Variants in GAREM1 observed in about 807,000 individuals in gnomAD.
The protein encoded by GAREM1 is GRB2 associated regulator of MAPK1 subtype 1.
A neutral mutation model predicts 71.3 loss-of-function variants in GAREM1; 26 were observed. The observed-to-expected ratio is 0.36, with a 90% CI of 0.27 to 0.51. The LOEUF is 0.51. GAREM1 is among the 20% of genes least tolerant of loss of function. GAREM1 has a pLI of 0.95. For missense variants in GAREM1, 1,026 were observed against 1,103.1 expected, an observed-to-expected ratio of 0.93 and a Z score of 0.99; for synonymous variants, 440 against 433.2, an observed-to-expected ratio of 1.02 and a Z score of -0.20.
chr18:32,288,400 T>C (rs2047048829), intron 3 of GAREM1, among the ~76,000 whole-genome samples, 197 bp from the exon 4 acceptor site: 1 of 152,180 alleles, frequency 6.6e-6, no homozygotes, highest in African/African-American at 2.4e-5. Context: ...ATGATATTAG[T>C]TTAGAATCTT....
chr18:32,439,416 C>G (rs1182529160), intron 1 of GAREM1, among the ~76,000 whole-genome samples: 2 of 152,126 alleles, frequency 1.3e-5, no homozygotes, highest in Non-Finnish European at 2.9e-5. Context: ...CCGAAGCAGG[C>G]ACACTTTGTA....
chr18:32,279,754 G>C (rs1453949492), intron 4 of GAREM1, among the ~76,000 whole-genome samples: 1 of 152,182 alleles, frequency 6.6e-6, no homozygotes, highest in Non-Finnish European at 1.5e-5. Context: ...CATGAAACTG[G>C]TCCCTGGTGC....
chr18:32,288,080 G>A lies in GAREM1; in HGVS notation c.517C>T (p.Arg173Ter), dbSNP rs925385479. 3.1e-6 allele frequency: 5 copies of A among 1,614,118 alleles called. No individual in the cohort carries two copies. Among genetic ancestry groups the A allele is most frequent in the East Asian group, 2.2e-5 (1 of 44,872 alleles). Reference protein sequence around the residue: ...LYAKTFKEKSRLNTIFKKIGK... With the variant: ...LYAKTFKEKS Reference sequence around the variant, plus strand: ...ATCTTTTTGAAGATTGTGTTGAGTCGTGACTTTTCCTTGAATGTCTTTGCA... The same window carrying A: ...ATCTTTTTGAAGATTGTGTTGAGTCATGACTTTTCCTTGAATGTCTTTGCA... Residue 173 changes from arginine to a stop codon, truncating the protein, a stop_gained, in exon 4 of 6, where the codon CGA (arginine) becomes TGA (stop). Transcript: ENST00000269209. LOFTEE classifies it high-confidence loss of function.
intron 2 of GAREM1, among the ~76,000 whole-genome samples, chr18:32,368,600 T>C (rs112291304): frequency 3.3e-5 from 5 of 152,340 alleles, no homozygotes; most frequent in African/African-American, 1.2e-4. Context: ...GCAGGAAGTC[T>C]ATCTTTTATA....
chr18:32,291,056 T>G (rs893104911), intron 3 of GAREM1, among the ~76,000 whole-genome samples: 1 of 152,200 alleles, frequency 6.6e-6, no homozygotes, highest in African/African-American at 2.4e-5. Flanking sequence ...GCAGCATTAT[T>G]TGTCTTTGCA....
chr18:32,362,689 T>C (rs1250615565), intron 2 of GAREM1, among the ~76,000 whole-genome samples: 4 of 152,200 alleles, frequency 2.6e-5, no homozygotes, highest in African/African-American at 9.7e-5. Flanking sequence ...ACCATCCACT[T>C]ATGCTTCAAC....
intron 1 of GAREM1, among the ~76,000 whole-genome samples, chr18:32,468,947 C>T (rs2049023328): frequency 7.0e-6 from 1 of 143,116 alleles, no homozygotes; most frequent in African/African-American, 2.6e-5. Flanking sequence ...CGCCTCAACA[C>T]ACCACCTGTG....
chr18:32,415,091 A>C (rs1306290337), intron 1 of GAREM1, among the ~76,000 whole-genome samples: 1 of 152,162 alleles, frequency 6.6e-6, no homozygotes, highest in Admixed American at 6.6e-5. Flanking sequence ...TATGCCAATA[A>C]ATTGGAAAAT....
intron 4 of GAREM1, among the ~76,000 whole-genome samples, chr18:32,273,962 C>G (rs2041502377): frequency 1.3e-5 from 2 of 152,124 alleles, no homozygotes; most frequent in South Asian, 4.2e-4. Flanking sequence ...TAAAGGTACT[C>G]CATTCATGAC....
chr18:32,428,147 T>C (rs1390053070), intron 1 of GAREM1, among the ~76,000 whole-genome samples: 2 of 152,218 alleles, frequency 1.3e-5, no homozygotes, highest in African/African-American at 2.4e-5. Context: ...AGCTTATGAA[T>C]AAAAATGGTC....
chr18:32,468,951 A>T, intron 1 of GAREM1, among the ~76,000 whole-genome samples: 1 of 96,748 alleles, frequency 1.0e-5, no homozygotes, highest in South Asian at 4.8e-4. Flanking sequence ...TCAACACACC[A>T]CCTGTGCGTC....
At chr18:32,358,883 G>A (rs1204642551) in intron 2 of GAREM1, among the ~76,000 whole-genome samples, 2 of 152,144 alleles carry the variant, frequency 1.3e-5, no homozygotes, top group East Asian at 1.9e-4. Context: ...AAACGAAAAC[G>A]TGGGTTCTCT....
chr18:32,284,108 G>A (rs1251083858), intron 4 of GAREM1, among the ~76,000 whole-genome samples: 1 of 152,086 alleles, frequency 6.6e-6, no homozygotes, highest in Non-Finnish European at 1.5e-5. Context: ...AAAATTACAA[G>A]CTGAAGCCAC....
chr18:32,352,355 C>T (rs538426614), intron 2 of GAREM1, among the ~76,000 whole-genome samples: 5 of 152,288 alleles, frequency 3.3e-5, no homozygotes, highest in South Asian at 4.1e-4. Context: ...ACACCTGGGG[C>T]GGCAAGAGCA....
chr18:32,347,481 A>C (rs183709770), intron 2 of GAREM1, among the ~76,000 whole-genome samples: 46 of 152,324 alleles, frequency 3.0e-4, no homozygotes, highest in Admixed American at 1.8e-3. Context: ...GCTGCTTGGG[A>C]ACAAAGGAAG....
At chr18:32,363,304 G>GT (rs2144613113) in intron 2 of GAREM1, among the ~76,000 whole-genome samples, 1 of 151,852 alleles carries the variant, frequency 6.6e-6, no homozygotes, top group East Asian at 1.9e-4. Flanking sequence ...GCCATTAATT[G>GT]TAATTGTAGT....
At chr18:32,283,648 A>T (rs2046977936) in intron 4 of GAREM1, among the ~76,000 whole-genome samples, 1 of 152,364 alleles carries the variant, frequency 6.6e-6, no homozygotes, top group East Asian at 1.9e-4. Flanking sequence ...ATACAAAGAT[A>T]CAAGAGGACT....
chr18:32,454,893 C>T (rs1291136686), intron 1 of GAREM1, among the ~76,000 whole-genome samples: 1 of 152,194 alleles, frequency 6.6e-6, no homozygotes, highest in South Asian at 2.1e-4. Flanking sequence ...TTTGATCCAT[C>T]TGTTGGAACA....
intron 1 of GAREM1, among the ~76,000 whole-genome samples, chr18:32,407,670 T>C (rs1489143649): frequency 3.9e-5 from 6 of 152,118 alleles, no homozygotes; most frequent in African/African-American, 1.2e-4. Flanking sequence ...CTTTATTCTT[T>C]CTGATTGAGG....
Sources: gnomAD v4.1 joint callset for allele counts (sites outside exome capture counted in the v4.1 genomes callset) on GRCh38, gnomAD v4.1.1 for gene constraint, MANE v1.5 for transcripts, NCBI Gene and HGNC (gene_info 2026-07-23, HGNC 2026-07-21) for gene names.